Variants in DACH1 observed in about 807,000 individuals in gnomAD.
DACH1 encodes the protein dachshund family transcription factor 1.
Under a neutral mutation model 54.2 loss-of-function variants are expected in DACH1, and 12 were observed. The ratio of observed to expected loss-of-function variants is 0.22; its 90% CI spans 0.14 to 0.36. The LOEUF is 0.36. Among genes scored for constraint, DACH1 ranks in the 10% least tolerant of loss-of-function variants. The pLI is 1.00. For missense variants in DACH1, 805 were observed against 929.8 expected (o/e 0.87, Z 1.75); for synonymous variants, 386 against 366.2 (o/e 1.05, Z -0.62).
chr13:71,726,751 CTT>C (rs1883485619), intron 1 of DACH1, among the ~76,000 whole-genome samples: 1 of 151,892 alleles, frequency 6.6e-6, no homozygotes, highest in Admixed American at 6.6e-5. Context: ...GTTAGGAAGA[CTT>C]TATTTTATTC....
At chr13:71,568,658 T>C (rs1215131219) in intron 4 of DACH1, among the ~76,000 whole-genome samples, 1 of 152,052 alleles carries the variant, frequency 6.6e-6, no homozygotes, top group Non-Finnish European at 1.5e-5. Context: ...TTAAATCTGC[T>C]GAAAATAGAT....
intron 1 of DACH1, among the ~76,000 whole-genome samples, chr13:71,752,921 T>C (rs1884988785): frequency 6.6e-6 from 1 of 152,150 alleles, no homozygotes; most frequent in Non-Finnish European, 1.5e-5. Context: ...TCAGATATAC[T>C]AGTCCCACAG....
intron 3 of DACH1, among the ~76,000 whole-genome samples, chr13:71,618,717 T>C (rs1875972923): frequency 6.6e-6 from 1 of 151,952 alleles, no homozygotes; most frequent in Non-Finnish European, 1.5e-5. Context: ...TCAGATTTTA[T>C]TTTAAAAGCC....
At chr13:71,477,628 G>C (rs1032728098) in intron 8 of DACH1, among the ~76,000 whole-genome samples, 1 of 152,048 alleles carries the variant, frequency 6.6e-6, no homozygotes, top group African/African-American at 2.4e-5. Flanking sequence ...CCTGCCTACT[G>C]TTTCCCTTTC....
intron 3 of DACH1, among the ~76,000 whole-genome samples, chr13:71,615,443 T>C (rs992877512): frequency 6.6e-6 from 1 of 152,214 alleles, no homozygotes; most frequent in Non-Finnish European, 1.5e-5. Flanking sequence ...CTGGAGTACA[T>C]ATTTTGTCTG....
At chr13:71,652,422 C>T (rs1204159331) in intron 2 of DACH1, among the ~76,000 whole-genome samples, 2 of 152,100 alleles carry the variant, frequency 1.3e-5, no homozygotes, top group East Asian at 3.9e-4. Flanking sequence ...CTTAGGCTTT[C>T]ATAACCTGTC....
At chr13:71,511,368 G>A (rs1880762643) in intron 6 of DACH1, among the ~76,000 whole-genome samples, 2 of 151,700 alleles carry the variant, frequency 1.3e-5, no homozygotes, top group South Asian at 4.1e-4. Flanking sequence ...CCTCATTTAT[G>A]TGCTGAGAGC....
At chr13:71,684,957 A>G (rs1385001811) in intron 1 of DACH1, among the ~76,000 whole-genome samples, 1 of 152,200 alleles carries the variant, frequency 6.6e-6, no homozygotes, top group Non-Finnish European at 1.5e-5. Flanking sequence ...CCCAGAGAAA[A>G]TAGAATAGAG....
chr13:71,696,621 C>T (rs1881848220), intron 1 of DACH1, among the ~76,000 whole-genome samples: 2 of 151,766 alleles, frequency 1.3e-5, no homozygotes, highest in Non-Finnish European at 1.5e-5. Flanking sequence ...AATCTTGGCT[C>T]ACTACAACCT....
intron 2 of DACH1, among the ~76,000 whole-genome samples, chr13:71,668,335 T>C (rs1674885967): frequency 6.6e-6 from 1 of 152,122 alleles, no homozygotes; most frequent in Non-Finnish European, 1.5e-5. Context: ...TGAAATTATA[T>C]CCTTACATCC....
intron 6 of DACH1, among the ~76,000 whole-genome samples, chr13:71,500,825 G>A (rs1879854051): frequency 6.6e-6 from 1 of 151,794 alleles, no homozygotes; most frequent in Non-Finnish European, 1.5e-5. Context: ...AGAGGCCTAG[G>A]GAGTCATGCC....
chr13:71,651,383 A>T (rs1034151213), intron 2 of DACH1, among the ~76,000 whole-genome samples: 1 of 149,796 alleles, frequency 6.7e-6, no homozygotes, highest in Non-Finnish European at 1.5e-5. Flanking sequence ...AAAAAAAAAG[A>T]AAGAAAGAAA....
At chr13:71,774,510 G>T (rs1408298127) in intron 1 of DACH1, among the ~76,000 whole-genome samples, 1 of 152,056 alleles carries the variant, frequency 6.6e-6, no homozygotes, top group East Asian at 1.9e-4. Context: ...GGAGGCAGAA[G>T]GAAGAAACAC....
At chr13:71,583,182 G>A (rs1872970581) in intron 3 of DACH1, among the ~76,000 whole-genome samples, 1 of 151,950 alleles carries the variant, frequency 6.6e-6, no homozygotes, top group Non-Finnish European at 1.5e-5. Flanking sequence ...AATATAAGGG[G>A]GTATGAACCT....
At chr13:71,446,722 C>T (rs1320621140) in intron 10 of DACH1, among the ~76,000 whole-genome samples, 4 of 152,186 alleles carry the variant, frequency 2.6e-5, no homozygotes, top group Non-Finnish European at 5.9e-5. Context: ...CACCTAGTAC[C>T]ATTTGTCTCG....
intron 1 of DACH1, among the ~76,000 whole-genome samples, chr13:71,755,292 A>T (rs1456220058): frequency 6.6e-6 from 1 of 152,248 alleles, no homozygotes; most frequent in Non-Finnish European, 1.5e-5. Flanking sequence ...TAAAGCTGCA[A>T]TACAAGGCTG....
intron 2 of DACH1, among the ~76,000 whole-genome samples, chr13:71,641,747 A>T (rs776335217): frequency 9.9e-5 from 15 of 152,128 alleles, no homozygotes; most frequent in Non-Finnish European, 1.5e-5. Context: ...CAATTTCATA[A>T]TCATGGTCAA....
At chr13:71,458,086 A>T (rs1320751548) in intron 10 of DACH1, among the ~76,000 whole-genome samples, 1 of 151,804 alleles carries the variant, frequency 6.6e-6, no homozygotes, top group Non-Finnish European at 1.5e-5. Context: ...AACACTCATT[A>T]CCTCTTTTCT....
In DACH1 at chr13:71,697,034, G is replaced by C. The variant is rs150067280; in HGVS notation, c.849-15124C>G. 3.3e-5 allele frequency among the ~76,000 whole-genome samples: 5 copies of C among 152,246 alleles called. No individual in the cohort carries two copies. The East Asian group carries it at 9.6e-4, about 29-fold the overall frequency. ...CCCCAACCACTACGCAAAGTGCACT[G>C]GGTCCACTTAATAGTTCCCTTCTCC... On this transcript the variant is annotated intron_variant, in intron 1 of 10. Coordinates refer to ENST00000613252, the MANE Select transcript of DACH1 (RefSeq NM_080759.6).
Sources: gnomAD v4.1 joint callset for allele counts (sites outside exome capture counted in the v4.1 genomes callset) on GRCh38, gnomAD v4.1.1 for gene constraint, MANE v1.5 for transcripts, NCBI Gene and HGNC (gene_info 2026-07-23, HGNC 2026-07-21) for gene names.